Variants in PXDNL observed in about 807,000 individuals in gnomAD.
PXDNL encodes peroxidasin like, also known as probable oxidoreductase PXDNL.
A neutral mutation model predicts 150.8 loss-of-function variants in PXDNL; 145 were observed. That is an observed-to-expected ratio of 0.96 (90% CI 0.84 to 1.10). The LOEUF (loss-of-function observed/expected upper bound fraction) is 1.10. Among genes scored for constraint, PXDNL ranks in the 50% least tolerant of loss-of-function variants. The pLI, the probability that PXDNL is intolerant of heterozygous loss-of-function variation, is 0.00. For synonymous variants in PXDNL, 757 were observed against 725.7 expected, an observed-to-expected ratio of 1.04 and a Z score of -0.69; for missense variants, 2,087 against 1,873.9, an observed-to-expected ratio of 1.11 and a Z score of -2.10.
chr8:51,553,010 C>T (rs1433515320), intron 4 of PXDNL, among the ~76,000 whole-genome samples: 1 of 152,088 alleles, frequency 6.6e-6, no homozygotes, highest in East Asian at 1.9e-4. Context: ...ATTCCAATTA[C>T]AAAAGGGAAA....
chr8:51,622,236 G>A (rs1234686285), intron 2 of PXDNL, among the ~76,000 whole-genome samples: 1 of 152,102 alleles, frequency 6.6e-6, no homozygotes, highest in Non-Finnish European at 1.5e-5. Flanking sequence ...ACAATTCCAG[G>A]AACTGAACCC....
At chr8:51,356,746 A>C (rs1440527833) in intron 19 of PXDNL, among the ~76,000 whole-genome samples, 1 of 152,162 alleles carries the variant, frequency 6.6e-6, no homozygotes, top group East Asian at 1.9e-4. Context: ...CATTTGTCTC[A>C]TGAGGTTTCC....
At chr8:51,452,756 C>T (rs1010987944) in intron 10 of PXDNL, among the ~76,000 whole-genome samples, 1 of 152,046 alleles carries the variant, frequency 6.6e-6, no homozygotes, top group Non-Finnish European at 1.5e-5. Context: ...TCAGGAAGCC[C>T]CTAAAACGGA....
At chr8:51,458,386 T>C (rs1195462876) in intron 8 of PXDNL, among the ~76,000 whole-genome samples, 1 of 151,954 alleles carries the variant, frequency 6.6e-6, no homozygotes, top group African/African-American at 2.4e-5. Context: ...CACAGAAACA[T>C]ATGTTAGAAA....
chr8:51,627,727 T>C lies in PXDNL; in HGVS notation c.236+26962A>G, dbSNP rs377050938. Among the ~76,000 whole-genome samples, 5 of 152,308 alleles carry C rather than the reference T, an allele frequency of 3.3e-5. No homozygotes were observed. The East Asian group carries it at 7.7e-4, about 24-fold the overall frequency. The stretch of plus-strand genomic sequence containing the variant: ...GCTTATAAATTGTAAGAAAGCTTTG[T>C]GGTGTTTTTACTTGCCCTTGCCCCA... On this transcript the variant is annotated intron_variant, in intron 2 of 22. Transcript: ENST00000356297.
At chr8:51,655,222 A>G (rs1244823006) in intron 1 of PXDNL, among the ~76,000 whole-genome samples, 1 of 152,262 alleles carries the variant, frequency 6.6e-6, no homozygotes, top group Non-Finnish European at 1.5e-5. Context: ...ACAGGAATAC[A>G]ATGGCCTTCT....
At chr8:51,700,673 TAA>T (rs990074840) in intron 1 of PXDNL, among the ~76,000 whole-genome samples, 1 of 151,064 alleles carries the variant, frequency 6.6e-6, no homozygotes, top group Non-Finnish European at 1.5e-5. Flanking sequence ...TAAACATACA[TAA>T]ACACACACAT....
intron 21 of PXDNL, among the ~76,000 whole-genome samples, chr8:51,325,473 C>T (rs1805453545): frequency 6.6e-6 from 1 of 152,144 alleles, no homozygotes; most frequent in African/African-American, 2.4e-5. Flanking sequence ...AGTTGGGGTT[C>T]TGGCTCCCTG....
intron 1 of PXDNL, among the ~76,000 whole-genome samples, chr8:51,710,129 T>C (rs1816464690): frequency 6.6e-6 from 1 of 152,230 alleles, no homozygotes; most frequent in Non-Finnish European, 1.5e-5. Context: ...GCTCTGCTAA[T>C]CCCTTTAACT....
intron 1 of PXDNL, among the ~76,000 whole-genome samples, chr8:51,803,286 T>C (rs952026884): frequency 1.3e-5 from 2 of 152,140 alleles, no homozygotes; most frequent in Non-Finnish European, 2.9e-5. Context: ...GTATCTCTCT[T>C]TGGAAACTGC....
chr8:51,321,600 G>A (rs181269612), intron 21 of PXDNL, among the ~76,000 whole-genome samples: 19 of 152,158 alleles, frequency 1.2e-4, no homozygotes, highest in Non-Finnish European at 1.9e-4. Flanking sequence ...TGGTTTAAAG[G>A]TGTGTGGCAG....
chr8:51,740,374 A>T (rs1471642614), intron 1 of PXDNL, among the ~76,000 whole-genome samples: 1 of 152,126 alleles, frequency 6.6e-6, no homozygotes, highest in Non-Finnish European at 1.5e-5. Context: ...GTCAAATGGC[A>T]TTTCTGGTTT....
intron 14 of PXDNL, among the ~76,000 whole-genome samples, chr8:51,421,001 T>C (rs1808936172): frequency 6.6e-6 from 1 of 152,198 alleles, no homozygotes; most frequent in Non-Finnish European, 1.5e-5. Context: ...ATGTTTTACT[T>C]TTAATATGTA....
In PXDNL at chr8:51,435,681, A is replaced by G; in HGVS notation, c.1526-8923T>C. ...CCAGAAAGAAGCGAAAAAGAGGCGG[A>G]GCAGCCAGCTAAGCTGGGCACCACC... On this transcript the variant is annotated intron_variant, in intron 12 of 22. Coordinates refer to ENST00000356297, the MANE Select transcript of PXDNL (RefSeq NM_144651.5). 2.1e-5 allele frequency: 5 copies of G among 237,408 alleles called. No individual in the cohort carries two copies. The South Asian group carries it at 3.0e-4, about 14-fold the overall frequency. 14.7% of individuals were successfully genotyped at this position (237,408 alleles called of 1,614,324 possible). A position where few individuals can be genotyped will look rare whatever the true frequency, so the allele number is the denominator to read the frequency against.
intron 2 of PXDNL, among the ~76,000 whole-genome samples, chr8:51,601,024 T>C (rs1405441554): frequency 1.4e-5 from 2 of 146,812 alleles, no homozygotes; most frequent in African/African-American, 4.9e-5. Flanking sequence ...ATAAATTACA[T>C]CTTATATAAA....
At chr8:51,333,077 G>C (rs1206979388) in intron 21 of PXDNL, among the ~76,000 whole-genome samples, 2 of 152,174 alleles carry the variant, frequency 1.3e-5, no homozygotes, top group Non-Finnish European at 2.9e-5. Context: ...AATCTTAAGA[G>C]CTGTGAGACA....
chr8:51,426,283 C>T (rs1288130885), intron 13 of PXDNL, among the ~76,000 whole-genome samples: 1 of 152,034 alleles, frequency 6.6e-6, no homozygotes, highest in Non-Finnish European at 1.5e-5. Context: ...AGCCAATGAC[C>T]TACTTTTAAT....
chr8:51,403,576 G>A (rs746339829), intron 17 of PXDNL, among the ~76,000 whole-genome samples: 2 of 152,126 alleles, frequency 1.3e-5, no homozygotes, highest in Non-Finnish European at 1.5e-5. Context: ...GGCTTTACAC[G>A]TCTCACACAT....
chr8:51,484,242 G>T (rs1352063680), intron 5 of PXDNL, among the ~76,000 whole-genome samples: 3 of 151,990 alleles, frequency 2.0e-5, no homozygotes. Context: ...TTCGAGACCA[G>T]CCTGGCCAAC....
Sources: allele counts gnomAD v4.1 joint callset (sites outside exome capture counted in the v4.1 genomes callset), GRCh38; gene constraint gnomAD v4.1.1; transcripts MANE v1.5; gene names NCBI Gene and HGNC (gene_info 2026-07-23, HGNC 2026-07-21).